The following BIN1 variants were observed in gnomAD, a reference collection of about 807,000 sequenced individuals.
BIN1 encodes the protein bridging integrator 1.
Under a neutral mutation model 82.0 loss-of-function variants are expected in BIN1, and 53 were observed. The observed-to-expected ratio is 0.65, with a 90% CI of 0.52 to 0.81. The LOEUF (loss-of-function observed/expected upper bound fraction) is 0.81. Ranked by LOEUF, BIN1 falls within the 40% of genes least tolerant of loss-of-function variation. The pLI, the probability that BIN1 is intolerant of heterozygous loss-of-function variation, is 0.00. For missense variants in BIN1, 642 were observed against 784.4 expected, an observed-to-expected ratio of 0.82 and a Z score of 2.17; for synonymous variants, 302 against 328.0, an observed-to-expected ratio of 0.92 and a Z score of 0.86.
Position 127,048,324 on chromosome 2 carries a change from T to A in BIN1, c.*202A>T. On this transcript the variant is annotated 3_prime_UTR_variant, in exon 19 of 19. Transcript: ENST00000316724. ...GACACAGCAGCTTCAGGAACACTGG[T>A]GAATTCCGCCGGACTTGCCGGGACG... 2 of 584,476 alleles carry A rather than the reference T, an allele frequency of 3.4e-6. No individual in the cohort carries two copies. Among genetic ancestry groups the A allele is most frequent in the Non-Finnish European group, 6.1e-6 (2 of 327,764 alleles). 36.2% of individuals were successfully genotyped at this position (584,476 alleles called of 1,614,324 possible). A position where few individuals can be genotyped will look rare whatever the true frequency, so the allele number is the denominator to read the frequency against.
chr2:127,058,884 C>A, intron 11 of BIN1, 127 bp downstream of exon 11: 5 of 1,409,916 alleles, frequency 3.5e-6, no homozygotes, highest in Non-Finnish European at 4.8e-6. Context: ...CCCCACTGGG[C>A]AAAGCATCGG....
chr2:127,053,247 C>G, intron 14 of BIN1, 175 bp downstream of exon 14: 1 of 876,884 alleles, frequency 1.1e-6, no homozygotes, highest in Non-Finnish European at 1.8e-6. Context: ...AGCAGAATGG[C>G]TGGAGGCGGG....
intron 2 of BIN1, among the ~76,000 whole-genome samples, chr2:127,074,331 A>G (rs1476828158): frequency 6.6e-6 from 1 of 152,070 alleles, no homozygotes; most frequent in Non-Finnish European, 1.5e-5. Context: ...TGGCTGCCTT[A>G]GCCCCAGCCT....
Position 127,068,857 on chromosome 2 carries a change from G to A in BIN1, c.519+67C>T. On this transcript the variant is annotated intron_variant, in intron 6 of 18. Coordinates refer to ENST00000316724, the MANE Select transcript of BIN1 (RefSeq NM_139343.3). This position sits in a 1 kb window ranked among gnomAD's most constrained non-coding sequence, Gnocchi z 4.9. ...AGGCAGGAGGAAGCCTCCACCCTCG[G>A]GGTCCTAGACACCCGCCCTCTCTCA... is the stretch of plus-strand genomic sequence containing the variant. 1 of 1,461,606 alleles carries A rather than the reference G, an allele frequency of 6.8e-7. No homozygotes were observed. The highest frequency in any genetic ancestry group is 9.6e-7 in the Non-Finnish European group (1 of 1,044,438). 90.5% of individuals were successfully genotyped at this position (1,461,606 alleles called of 1,614,324 possible). A position where few individuals can be genotyped will look rare whatever the true frequency, so the allele number is the denominator to read the frequency against.
At chr2:127,089,769 C>T (rs922194367) in intron 1 of BIN1, among the ~76,000 whole-genome samples, 1 of 152,060 alleles carries the variant, frequency 6.6e-6, no homozygotes, top group African/African-American at 2.4e-5. Flanking sequence ...GGGAGCAGGC[C>T]CAGGCTGTGC....
intron 7 of BIN1, among the ~76,000 whole-genome samples, chr2:127,065,441 C>T (rs1282725154): frequency 2.0e-5 from 3 of 152,154 alleles, no homozygotes; most frequent in African/African-American, 7.2e-5. Context: ...TGCCCTACTC[C>T]CCTGGGTGTC....
chr2:127,085,466 G>A (rs930375856), intron 1 of BIN1, among the ~76,000 whole-genome samples: 1 of 152,182 alleles, frequency 6.6e-6, no homozygotes, highest in Non-Finnish European at 1.5e-5. Context: ...GTGAGATGAC[G>A]CCCACACACG....
At chr2:127,061,056 A>G (rs1279050049) in intron 10 of BIN1, among the ~76,000 whole-genome samples, 1 of 152,046 alleles carries the variant, frequency 6.6e-6, no homozygotes, top group East Asian at 1.9e-4. Flanking sequence ...CTCCTTCCTG[A>G]GGGGAGCCAT....
At chr2:127,081,752 G>A in intron 1 of BIN1, 2 of 1,266,382 alleles carry the variant, frequency 1.6e-6, no homozygotes, top group South Asian at 2.5e-5. Context: ...ACATGGAAGG[G>A]GGACCTCATC....
rs554211381 is a variant in BIN1 at position 127,057,230 on chromosome 2, C to T, written c.1131+243G>A. ...GAGGGCGCTGCTGATGTAACTGCTG[C>T]GCCGGGAGAGGCGGCACCTTCCCCT... is the stretch of plus-strand genomic sequence containing the variant. On this transcript the variant is annotated intron_variant, in intron 12 of 18. Coordinates refer to ENST00000316724, the MANE Select transcript of BIN1 (RefSeq NM_139343.3). This position sits in a 1 kb window ranked among gnomAD's most constrained non-coding sequence, Gnocchi z 5.0. Among the ~76,000 whole-genome samples the T allele has an allele frequency of 5.7e-4, 87 of 152,352 alleles. No individual in the cohort carries two copies. Among genetic ancestry groups the T allele is most frequent in the African/African-American group, 1.7e-3 (70 of 41,578 alleles).
At chr2:127,099,754 C>T (rs968682035) in intron 1 of BIN1, among the ~76,000 whole-genome samples, 4 of 151,262 alleles carry the variant, frequency 2.6e-5, no homozygotes, top group African/African-American at 4.9e-5. Flanking sequence ...CCTCGTGATC[C>T]GCCCGCCTCG....
chr2:127,086,112 T>C (rs1678123948), intron 1 of BIN1, among the ~76,000 whole-genome samples: 1 of 152,206 alleles, frequency 6.6e-6, no homozygotes, highest in South Asian at 2.1e-4. Context: ...TGGGTTCATA[T>C]CCCTAGGCCA....
chr2:127,081,676 A>C (rs1573717932), intron 1 of BIN1, among the ~76,000 whole-genome samples: 1 of 152,202 alleles, frequency 6.6e-6, no homozygotes, highest in East Asian at 1.9e-4. Flanking sequence ...GGGCTCCTCC[A>C]CCAGCCAGCG....
At position 127,068,877 on chromosome 2, in the gene BIN1, C is replaced by T. The variant is rs200720385; in HGVS notation, c.519+47G>A. The T allele has an allele frequency of 7.0e-6, 11 of 1,563,210 alleles. No homozygotes were observed. Among genetic ancestry groups the T allele is most frequent in the Middle Eastern group, 3.3e-4 (2 of 5,992 alleles). On this transcript the variant is annotated intron_variant, in intron 6 of 18. Transcript: ENST00000316724. The surrounding 1 kb of genome is among the most constrained non-coding windows in gnomAD (Gnocchi z 4.9). ...CCTCGGGGTCCTAGACACCCGCCCT[C>T]TCTCAGCCCCCTGCAGACGCTGCCC... is the stretch of plus-strand genomic sequence containing the variant.
At chr2:127,069,645 CA>C (rs1306332458) in intron 5 of BIN1, among the ~76,000 whole-genome samples, 2 of 152,172 alleles carry the variant, frequency 1.3e-5, no homozygotes, top group African/African-American at 4.8e-5. Flanking sequence ...ATGGTGTAAA[CA>C]CAGGGGACCT....
At chr2:127,105,375 G>A (rs569013032) in intron 1 of BIN1, among the ~76,000 whole-genome samples, 6 of 152,120 alleles carry the variant, frequency 3.9e-5, no homozygotes, top group East Asian at 1.9e-4. Context: ...ATGGCAGCCC[G>A]GAGCAGGGGT....
intron 1 of BIN1, among the ~76,000 whole-genome samples, chr2:127,077,080 G>A (rs1266626255): frequency 1.3e-5 from 2 of 152,172 alleles, no homozygotes; most frequent in East Asian, 1.9e-4. Context: ...AGTGAGCCAC[G>A]CAGGGGAGGG....
intron 1 of BIN1, among the ~76,000 whole-genome samples, chr2:127,083,801 T>A (rs1394813574): frequency 1.3e-5 from 2 of 152,222 alleles, no homozygotes; most frequent in Non-Finnish European, 2.9e-5. Context: ...TGCAAACCAA[T>A]CACTTGGAGA....
intron 18 of BIN1, among the ~76,000 whole-genome samples, chr2:127,050,199 G>GGA: frequency 1.3e-5 from 2 of 152,262 alleles, no homozygotes; most frequent in East Asian, 1.9e-4. Context: ...ATGGGGACAG[G>GGA]GAGAGAGAGA....
Sources: allele counts gnomAD v4.1 joint callset (sites outside exome capture counted in the v4.1 genomes callset), GRCh38; gene constraint gnomAD v4.1.1; non-coding constraint Gnocchi (gnomAD v3.1); transcripts MANE v1.5; gene names NCBI Gene and HGNC (gene_info 2026-07-23, HGNC 2026-07-21).